STXBP6: variants seen among roughly 807,000 people sequenced by gnomAD.
The protein encoded by STXBP6 is syntaxin binding protein 6.
STXBP6 carries 21 observed loss-of-function variants against 26.9 expected under a neutral mutation model. The observed-to-expected ratio is 0.78, with a 90% CI of 0.55 to 1.12. The LOEUF (loss-of-function observed/expected upper bound fraction) is 1.12. Ranked by LOEUF, STXBP6 falls within the 50% of genes most tolerant of loss-of-function variation. The probability of loss-of-function intolerance (pLI) is 0.00; values close to 1 mark genes in which losing one functional copy is unlikely to be tolerated. For synonymous variants in STXBP6, 97 were observed against 92.6 expected, an observed-to-expected ratio of 1.05 and a Z score of -0.27; for missense variants, 232 against 257.9, an observed-to-expected ratio of 0.90 and a Z score of 0.69.
At chr14:24,933,522 A>C (rs1323103356) in intron 2 of STXBP6, among the ~76,000 whole-genome samples, 1 of 152,192 alleles carries the variant, frequency 6.6e-6, no homozygotes, top group East Asian at 1.9e-4. Flanking sequence ...CTGAGGGGCT[A>C]ATCCACCAAA....
intron 2 of STXBP6, among the ~76,000 whole-genome samples, chr14:24,868,998 T>C (rs2069826868): frequency 6.6e-6 from 1 of 152,254 alleles, no homozygotes; most frequent in Non-Finnish European, 1.5e-5. Context: ...TTTACCTGCA[T>C]GTGCTATCTC....
intron 2 of STXBP6, among the ~76,000 whole-genome samples, chr14:24,905,768 C>T (rs2071365552): frequency 1.3e-5 from 2 of 152,196 alleles, no homozygotes; most frequent in Admixed American, 1.3e-4. Flanking sequence ...CCTACCTAAA[C>T]AAAACCTTCC....
intron 1 of STXBP6, among the ~76,000 whole-genome samples, chr14:25,029,990 ACACTTTGAAAGTCT>A (rs1441506207): frequency 2.0e-5 from 3 of 152,220 alleles, no homozygotes; most frequent in Admixed American, 2.0e-4. Flanking sequence ...AGGGAGCTGA[ACACTTTGAAAGTCT>A]CAATTAATCC....
In STXBP6 at chr14:25,049,706, C is replaced by G. The variant is rs1486991858; in HGVS notation, c.-33+172G>C. 1.0e-6 allele frequency: 1 copy of G among 985,550 alleles called. No individual in the cohort carries two copies. The allele number at this position is 985,550 out of a possible 1,614,324, so 61.1% of individuals were successfully genotyped here. The stretch of plus-strand genomic sequence containing the variant: ...CGCCGGGGCGCGCGGCCCCCTCTCC[C>G]GCCACCCGCCAACTTGGAAGAATCT... On this transcript the variant is annotated intron_variant, in intron 1 of 5. Transcript: ENST00000323944. This position sits in a 1 kb window ranked among gnomAD's most constrained non-coding sequence, Gnocchi z 5.6.
chr14:24,834,948 G>C (rs569554689), intron 4 of STXBP6, among the ~76,000 whole-genome samples: 8 of 152,232 alleles, frequency 5.3e-5, no homozygotes, highest in Admixed American at 3.9e-4. Flanking sequence ...ACACATGAAG[G>C]GTTTGGCAGA....
chr14:24,990,069 C>T (rs935523965), intron 1 of STXBP6, among the ~76,000 whole-genome samples: 2 of 152,086 alleles, frequency 1.3e-5, no homozygotes, highest in Admixed American at 6.5e-5. Context: ...TTGGACACTT[C>T]CTGTTGGGGA....
chr14:24,925,854 A>G (rs2072144933), intron 2 of STXBP6, among the ~76,000 whole-genome samples: 1 of 152,188 alleles, frequency 6.6e-6, no homozygotes. Flanking sequence ...GAATTTGACT[A>G]AAGACCAACT....
chr14:24,871,747 A>G (rs531281669), intron 2 of STXBP6, among the ~76,000 whole-genome samples: 4 of 152,334 alleles, frequency 2.6e-5, no homozygotes, highest in South Asian at 2.1e-4. Flanking sequence ...CCAAATGTGA[A>G]TATCACTAAC....
At chr14:24,845,136 C>T (rs547440915) in intron 4 of STXBP6, among the ~76,000 whole-genome samples, 21 of 152,064 alleles carry the variant, frequency 1.4e-4, no homozygotes, top group South Asian at 6.2e-4. Flanking sequence ...CTCAGCCTCC[C>T]GAGTAGCTGC....
At chr14:25,046,271 T>C (rs1049898828) in intron 1 of STXBP6, among the ~76,000 whole-genome samples, 13 of 152,240 alleles carry the variant, frequency 8.5e-5, no homozygotes, top group African/African-American at 3.1e-4. Flanking sequence ...AAATGTTCCC[T>C]ACTTATACTA....
chr14:24,840,009 T>C (rs938012642), intron 4 of STXBP6, among the ~76,000 whole-genome samples: 12 of 152,330 alleles, frequency 7.9e-5, no homozygotes, highest in African/African-American at 2.6e-4. Flanking sequence ...TTTAGGTATA[T>C]TACAGCTAGT....
Position 24,950,656 on chromosome 14 carries a change from GA to G in STXBP6, c.154+24008del, listed in dbSNP as rs2073133166. 3.9e-5 allele frequency among the ~76,000 whole-genome samples: 6 copies of G among 152,278 alleles called. No homozygotes were observed. The South Asian group carries it at 1.2e-3, about 32-fold the overall frequency. On this transcript the variant is annotated intron_variant, in intron 2 of 5. Coordinates refer to ENST00000323944, the MANE Select transcript of STXBP6 (RefSeq NM_001394410.1). ...TCTAAACTGTGGTGCTAAAGATCAA[GA>G]TAACGGTTATCCTCTGTCAATAATT...
chr14:24,965,099 G>A (rs181715904), intron 2 of STXBP6, among the ~76,000 whole-genome samples: 1 of 152,158 alleles, frequency 6.6e-6, no homozygotes, highest in East Asian at 1.9e-4. Flanking sequence ...AAACAATGTT[G>A]GAATCTAGGT....
intron 1 of STXBP6, among the ~76,000 whole-genome samples, chr14:25,010,055 G>A (rs899601702): frequency 6.6e-6 from 1 of 152,122 alleles, no homozygotes; most frequent in Non-Finnish European, 1.5e-5. Context: ...TTGGAGATTC[G>A]GACACACCCT....
intron 2 of STXBP6, among the ~76,000 whole-genome samples, chr14:24,929,377 A>G (rs895316345): frequency 1.3e-5 from 2 of 152,250 alleles, no homozygotes; most frequent in African/African-American, 4.8e-5. Context: ...TGAAACACCT[A>G]AGCAAAAGGC....
chr14:25,049,799 A>G lies in STXBP6; in HGVS notation c.-33+79T>C. The G allele has an allele frequency of 3.0e-6, 3 of 985,688 alleles. No individual in the cohort carries two copies. Among genetic ancestry groups the G allele is most frequent in the Non-Finnish European group, 1.2e-6 (1 of 830,234 alleles). 61.1% of individuals were successfully genotyped at this position (985,688 alleles called of 1,614,324 possible). ...CTCGGACGGAGCGCCAGGCGCCCCA[A>G]CAGCCGTGGCGGCTGCAACCGCATC... On this transcript the variant is annotated intron_variant, in intron 1 of 5. Coordinates refer to ENST00000323944, the MANE Select transcript of STXBP6 (RefSeq NM_001394410.1). This position sits in a 1 kb window ranked among gnomAD's most constrained non-coding sequence, Gnocchi z 5.6.
At chr14:24,850,890 T>A (rs905873040) in intron 4 of STXBP6, among the ~76,000 whole-genome samples, 38 of 152,158 alleles carry the variant, frequency 2.5e-4, no homozygotes, top group African/African-American at 9.2e-4. Context: ...TGCTTCAGTT[T>A]ATGCTTATCT....
chr14:24,858,287 T>C (rs1339834765), intron 2 of STXBP6, among the ~76,000 whole-genome samples: 1 of 152,026 alleles, frequency 6.6e-6, no homozygotes, highest in Non-Finnish European at 1.5e-5. Context: ...TGCAGTTTCA[T>C]TGTCGGGGGC....
chr14:25,034,326 A>C (rs2075515229), intron 1 of STXBP6, among the ~76,000 whole-genome samples: 1 of 152,170 alleles, frequency 6.6e-6, no homozygotes, highest in Non-Finnish European at 1.5e-5. Flanking sequence ...GAAGCTGAAT[A>C]TCTTTCCCCT....
Sources: allele counts gnomAD v4.1 joint callset (sites outside exome capture counted in the v4.1 genomes callset), GRCh38; gene constraint gnomAD v4.1.1; non-coding constraint Gnocchi (gnomAD v3.1); transcripts MANE v1.5; gene names NCBI Gene and HGNC (gene_info 2026-07-23, HGNC 2026-07-21).